The following ATP2B2 variants were observed in gnomAD, a reference collection of about 807,000 sequenced individuals.
ATP2B2 encodes the protein plasma membrane calcium-transporting ATPase 2.
Under a neutral mutation model 120.0 loss-of-function variants are expected in ATP2B2, and 15 were observed. The observed-to-expected ratio is 0.12, with a 90% CI of 0.08 to 0.19. ATP2B2 has a LOEUF of 0.19. Ranked by LOEUF, ATP2B2 falls within the 10% of genes least tolerant of loss-of-function variation. The probability of loss-of-function intolerance (pLI) is 1.00; values close to 1 mark genes in which losing one functional copy is unlikely to be tolerated. For missense variants in ATP2B2, 1,045 were observed against 1,719.8 expected, an observed-to-expected ratio of 0.61 and a Z score of 6.94; for synonymous variants, 694 against 700.3, an observed-to-expected ratio of 0.99 and a Z score of 0.14.
intron 2 of ATP2B2, among the ~76,000 whole-genome samples, chr3:10,536,335 T>C (rs200498573): frequency 0.064 from 9,167 of 143,998 alleles, 464 homozygotes; most frequent in East Asian, 0.29. Flanking sequence ...CACAGGATTT[T>C]TTTTTTTTTT....
rs150931829 is a variant in ATP2B2, at chr3:10,617,644, TC to T, written c.-415+2272del. Among the ~76,000 whole-genome samples, 458 of 152,332 alleles carry T rather than the reference TC, an allele frequency of 3.0e-3. 2 individuals carry two copies. Among genetic ancestry groups the T allele is most frequent in the African/African-American group, 0.01 (432 of 41,572 alleles). On this transcript the variant is annotated intron_variant, in intron 2 of 21. Transcript: ENST00000646379. ...CAGGATTAAAATTCAGTTTTGCCTG[TC>T]TCCAAAGACCAAGGGCTTAGCCGTT...
At chr3:10,667,285 A>T (rs1391108990) in intron 1 of ATP2B2, among the ~76,000 whole-genome samples, 2 of 152,250 alleles carry the variant, frequency 1.3e-5, no homozygotes, top group Non-Finnish European at 2.9e-5. Flanking sequence ...GCTCAAAGTC[A>T]TCCAGCTGGT....
At chr3:10,577,038 T>G (rs2068267965) in intron 2 of ATP2B2, among the ~76,000 whole-genome samples, 2 of 120,072 alleles carry the variant, frequency 1.7e-5, no homozygotes, top group African/African-American at 6.8e-5. Context: ...GGTGACAGAG[T>G]GAGACTCTGT....
intron 1 of ATP2B2, among the ~76,000 whole-genome samples, chr3:10,450,757 G>T (rs559199732): frequency 6.5e-4 from 99 of 152,312 alleles, no homozygotes; most frequent in Middle Eastern, 3.4e-3. Flanking sequence ...GGGAGCTCTG[G>T]CTTCTCCCTG....
At chr3:10,493,324 G>A (rs1438010261) in intron 1 of ATP2B2, among the ~76,000 whole-genome samples, 1 of 152,162 alleles carries the variant, frequency 6.6e-6, no homozygotes, top group African/African-American at 2.4e-5. Context: ...TGATGAGAAG[G>A]AATCTATGAA....
At position 10,375,779 on chromosome 3, in the gene ATP2B2, T is replaced by C. The variant is rs1272556875; in HGVS notation, c.1202-135A>G. 1.6e-5 allele frequency: 12 copies of C among 771,068 alleles called. No individual in the cohort carries two copies. Among genetic ancestry groups the C allele is most frequent in the Non-Finnish European group, 2.7e-5 (12 of 449,300 alleles). The allele number at this position is 771,068 out of a possible 1,614,324, so 47.8% of individuals were successfully genotyped here. The stretch of plus-strand genomic sequence containing the variant: ...CCTCCCAGCTCTGCCACTCCTTGCT[T>C]TATGACCTGTGGCAAGTTCTTGAGA... On this transcript the variant is annotated intron_variant, in intron 10 of 22. Transcript: ENST00000360273. This position sits in a 1 kb window ranked among gnomAD's most constrained non-coding sequence, Gnocchi z 4.2.
At chr3:10,384,622 C>T (rs1178818767) in intron 8 of ATP2B2, among the ~76,000 whole-genome samples, 4 of 152,220 alleles carry the variant, frequency 2.6e-5, no homozygotes, top group Admixed American at 1.3e-4. Flanking sequence ...CCCTCCACCC[C>T]TGTGACCCAG....
intron 1 of ATP2B2, among the ~76,000 whole-genome samples, chr3:10,625,805 A>C (rs1156606710): frequency 6.6e-6 from 1 of 152,206 alleles, no homozygotes; most frequent in Non-Finnish European, 1.5e-5. Flanking sequence ...GTCTGAGTTT[A>C]GTGCGCGTAT....
intron 1 of ATP2B2, among the ~76,000 whole-genome samples, chr3:10,676,339 G>C (rs115678891): frequency 1.3e-3 from 203 of 152,294 alleles, no homozygotes; most frequent in African/African-American, 4.2e-3. Flanking sequence ...ACTGAGCCTT[G>C]AGGAACTCTG....
intron 1 of ATP2B2, among the ~76,000 whole-genome samples, chr3:10,694,123 A>G (rs1185147100): frequency 6.6e-6 from 1 of 152,266 alleles, no homozygotes; most frequent in African/African-American, 2.4e-5. Context: ...GGGCATTGTT[A>G]CAATCCACAG....
At chr3:10,386,694 G>T (rs970673158) in intron 6 of ATP2B2, among the ~76,000 whole-genome samples, 182 bp from the exon 7 acceptor site, 1 of 152,198 alleles carries the variant, frequency 6.6e-6, no homozygotes, top group Non-Finnish European at 1.5e-5. Context: ...TGATGGGATG[G>T]GAGGGCAGAG....
intron 5 of ATP2B2, among the ~76,000 whole-genome samples, chr3:10,390,265 T>G (rs1333239896): frequency 6.7e-6 from 1 of 148,940 alleles, no homozygotes; most frequent in Non-Finnish European, 1.5e-5. Context: ...AACTTATCTC[T>G]CACTGTGTTT....
chr3:10,324,235 C>G lies in ATP2B2; in HGVS notation c.*4579G>C, dbSNP rs2059826614. The G allele has an allele frequency of 6.6e-6, 1 of 152,090 alleles. No individual in the cohort carries two copies. The highest frequency in any genetic ancestry group is 2.1e-4 in the South Asian group (1 of 4,816). 9.4% of individuals were successfully genotyped at this position (152,090 alleles called of 1,614,324 possible). A position where few individuals can be genotyped will look rare whatever the true frequency, so the allele number is the denominator to read the frequency against. On this transcript the variant is annotated 3_prime_UTR_variant, in exon 23 of 23. Coordinates refer to ENST00000360273, the MANE Select transcript of ATP2B2 (RefSeq NM_001001331.4). ...GAGGCGGCACCATTCCCTCGCTACTCTATTATAAAATATGTGCACACAAGA... is the reference window on the plus strand; with the variant it reads ...GAGGCGGCACCATTCCCTCGCTACTGTATTATAAAATATGTGCACACAAGA...
intron 1 of ATP2B2, among the ~76,000 whole-genome samples, chr3:10,695,546 G>A (rs148401975): frequency 3.5e-4 from 54 of 152,190 alleles, no homozygotes; most frequent in African/African-American, 1.2e-3. Flanking sequence ...CCACTGTTAC[G>A]TGAACAAACA....
intron 1 of ATP2B2, among the ~76,000 whole-genome samples, chr3:10,672,327 G>A (rs2071122361): frequency 6.6e-6 from 1 of 152,216 alleles, no homozygotes; most frequent in Non-Finnish European, 1.5e-5. Flanking sequence ...TAACAGCTGG[G>A]TACGGGGCAC....
intron 3 of ATP2B2, among the ~76,000 whole-genome samples, chr3:10,525,120 G>A (rs2067065362): frequency 6.6e-6 from 1 of 152,202 alleles, no homozygotes; most frequent in Non-Finnish European, 1.5e-5. Context: ...CAGTTCAGGA[G>A]GAGGCAGCAG....
chr3:10,358,798 G>A lies in ATP2B2; in HGVS notation c.2029C>T (p.Arg677Cys). The A allele has an allele frequency of 1.2e-6, 2 of 1,614,228 alleles. No individual in the cohort carries two copies. The highest frequency in any genetic ancestry group is 1.7e-5 in the Admixed American group (1 of 60,030). Reference protein sequence around the residue: ...DGLRTICVAYRDFPSSPEPDW... With the variant: ...DGLRTICVAYCDFPSSPEPDW... The stretch of plus-strand genomic sequence containing the variant: ...GGCTCCGGGCTGCTGGGGAAGTCGC[G>A]GTAGGCCACGCAGATAGTGCGGAGC... Residue 677 changes from arginine to cysteine, a missense_variant, in exon 14 of 23, where the codon CGC becomes TGC. Transcript: ENST00000360273.
chr3:10,611,027 T>C (rs959183355), intron 2 of ATP2B2, among the ~76,000 whole-genome samples: 4 of 152,210 alleles, frequency 2.6e-5, no homozygotes, highest in Non-Finnish European at 4.4e-5. Flanking sequence ...TGCACCCTTT[T>C]CACAGATGAG....
At chr3:10,513,980 A>G (rs1454839693) in intron 3 of ATP2B2, among the ~76,000 whole-genome samples, 3 of 152,152 alleles carry the variant, frequency 2.0e-5, no homozygotes, top group African/African-American at 7.2e-5. Flanking sequence ...TGGCCCTGAG[A>G]CGGGGACATG....
Sources: allele counts gnomAD v4.1 joint callset (sites outside exome capture counted in the v4.1 genomes callset), GRCh38; gene constraint gnomAD v4.1.1; non-coding constraint Gnocchi (gnomAD v3.1); transcripts MANE v1.5; gene names NCBI Gene and HGNC (gene_info 2026-07-23, HGNC 2026-07-21).